Variants in DLG2 observed in about 807,000 individuals in gnomAD.
DLG2 encodes discs large MAGUK scaffold protein 2, also known as disks large homolog 2.
A neutral mutation model predicts 132.5 loss-of-function variants in DLG2; 45 were observed. The ratio of observed to expected loss-of-function variants is 0.34; its 90% confidence interval spans 0.27 to 0.44. The LOEUF (loss-of-function observed/expected upper bound fraction) is 0.44, where lower values mean the gene tolerates loss of function less well. Ranked by LOEUF, DLG2 falls within the 20% of genes least tolerant of loss-of-function variation. The pLI, the probability that DLG2 is intolerant of heterozygous loss-of-function variation, is 1.00. For missense variants in DLG2, 1,045 were observed against 1,196.9 expected, an observed-to-expected ratio of 0.87 and a Z score of 1.87; for synonymous variants, 424 against 419.6, an observed-to-expected ratio of 1.01 and a Z score of -0.13.
intron 4 of DLG2, among the ~76,000 whole-genome samples, chr11:85,270,490 C>A (rs564349621): frequency 6.6e-6 from 1 of 152,236 alleles, no homozygotes; most frequent in Non-Finnish European, 1.5e-5. Context: ...CAGTGGGGTG[C>A]TGCTGAAAAG....
At chr11:85,118,674 C>A (rs2073953489) in intron 5 of DLG2, among the ~76,000 whole-genome samples, 3 of 151,910 alleles carry the variant, frequency 2.0e-5, no homozygotes, top group African/African-American at 4.8e-5. Flanking sequence ...GCATTGTCAG[C>A]TCATTGTATC....
At chr11:84,950,035 T>C (rs1409887410) in intron 6 of DLG2, among the ~76,000 whole-genome samples, 1 of 152,242 alleles carries the variant, frequency 6.6e-6, no homozygotes, top group African/African-American at 2.4e-5. Context: ...CACGTTCTTC[T>C]GCCATGGCTT....
intron 4 of DLG2, among the ~76,000 whole-genome samples, chr11:85,212,427 T>G (rs2082313016): frequency 6.6e-6 from 1 of 152,160 alleles, no homozygotes; most frequent in South Asian, 2.1e-4. Flanking sequence ...GAAATTCTAC[T>G]TGGTCTGAGT....
chr11:84,337,682 G>C (rs188430340), intron 7 of DLG2, among the ~76,000 whole-genome samples: 9 of 152,132 alleles, frequency 5.9e-5, no homozygotes, highest in Admixed American at 5.9e-4. Context: ...CTCTGATAGT[G>C]GTCTTAAACT....
rs1057191289 is a variant in DLG2 at position 84,711,027 on chromosome 11, TATATAG to T, written c.358-176302_358-176297del. Reference sequence around the variant, plus strand: ...ATATATAGATATATATATATATATATATATAGAGCTGAAAAAAGCATTAAAGTAGTT... The same window carrying T: ...ATATATAGATATATATATATATATATAGCTGAAAAAAGCATTAAAGTAGTT... On this transcript the variant is annotated intron_variant, in intron 6 of 27. Transcript: ENST00000376104. 1.4e-3 allele frequency among the ~76,000 whole-genome samples: 150 copies of T among 107,990 alleles called. 3 individuals are homozygous for T. Among genetic ancestry groups the T allele is most frequent in the African/African-American group, 5.0e-3 (130 of 25,766 alleles). 70.8% of individuals were successfully genotyped at this position (107,990 alleles called of 152,430 possible).
intron 11 of DLG2, among the ~76,000 whole-genome samples, chr11:84,001,120 T>A (rs1394452563): frequency 6.6e-6 from 1 of 151,980 alleles, no homozygotes; most frequent in African/African-American, 2.4e-5. Flanking sequence ...GTAAACAGAT[T>A]AAATTCTTTA....
rs144295585 is a variant in DLG2 at position 84,946,048 on chromosome 11, G to A, written c.357+165613C>T. On this transcript the variant is annotated intron_variant, in intron 6 of 27. Coordinates refer to ENST00000376104, the MANE Select transcript of DLG2 (RefSeq NM_001142699.3). ...CTACTTCCAATGTTCACTCAAGGCCGGAGGGCTCTTCGGTCAGCTTGTGGT... is the reference window on the plus strand; with the variant it reads ...CTACTTCCAATGTTCACTCAAGGCCAGAGGGCTCTTCGGTCAGCTTGTGGT... 3.5e-4 allele frequency among the ~76,000 whole-genome samples: 53 copies of A among 152,190 alleles called. No homozygotes were observed. In the East Asian group the frequency reaches 6.0e-3, roughly 17 times the overall value.
At chr11:85,169,350 T>G (rs1340477867) in intron 4 of DLG2, among the ~76,000 whole-genome samples, 1 of 152,152 alleles carries the variant, frequency 6.6e-6, no homozygotes, top group Non-Finnish European at 1.5e-5. Context: ...GCTCCCTCTC[T>G]GAAGGTTCCA....
chr11:83,702,509 G>A (rs1203856333), intron 18 of DLG2, among the ~76,000 whole-genome samples: 2 of 152,186 alleles, frequency 1.3e-5, no homozygotes, highest in African/African-American at 2.4e-5. Flanking sequence ...GGTGAAGTAG[G>A]TGATTTACAT....
Position 85,554,726 on chromosome 11 carries a change from G to A in DLG2, c.40+43931C>T, listed in dbSNP as rs549644007. Among the ~76,000 whole-genome samples the A allele has an allele frequency of 2.7e-5, 4 of 150,238 alleles. No individual in the cohort carries two copies. In the South Asian group the frequency reaches 6.2e-4, roughly 23 times the overall value. On this transcript the variant is annotated intron_variant, in intron 3 of 27. Transcript: ENST00000376104. ...AGACGCAGTTTGCCCTTCTATGATC[G>A]TTTATTGCACCAGAGGTCACAAGAT...
chr11:84,377,669 T>A (rs1039251080), intron 7 of DLG2, among the ~76,000 whole-genome samples: 2 of 152,186 alleles, frequency 1.3e-5, no homozygotes, highest in Non-Finnish European at 2.9e-5. Flanking sequence ...GTACATTACA[T>A]CGTATCTACT....
At chr11:85,261,485 G>C (rs1253572440) in intron 4 of DLG2, among the ~76,000 whole-genome samples, 1 of 151,786 alleles carries the variant, frequency 6.6e-6, no homozygotes, top group East Asian at 1.9e-4. Context: ...TCATAGAATT[G>C]ACCCTACCTA....
At chr11:84,531,262 G>C (rs2099339064) in intron 7 of DLG2, among the ~76,000 whole-genome samples, 2 of 152,108 alleles carry the variant, frequency 1.3e-5, no homozygotes, top group Admixed American at 6.5e-5. Flanking sequence ...CTTACAGGTG[G>C]GACCTAAACA....
intron 4 of DLG2, among the ~76,000 whole-genome samples, chr11:85,220,142 G>A (rs2074537973): frequency 6.6e-6 from 1 of 152,012 alleles, no homozygotes; most frequent in Non-Finnish European, 1.5e-5. Flanking sequence ...GCAGTGGGGG[G>A]AGACAGATAA....
intron 6 of DLG2, among the ~76,000 whole-genome samples, chr11:84,838,680 G>T (rs183216570): frequency 6.6e-6 from 1 of 152,068 alleles, no homozygotes; most frequent in African/African-American, 2.4e-5. Flanking sequence ...AATCAAGGCT[G>T]GTTCAACATA....
chr11:83,700,631 A>G (rs575004390), intron 18 of DLG2, among the ~76,000 whole-genome samples: 35 of 152,350 alleles, frequency 2.3e-4, no homozygotes, highest in Middle Eastern at 3.4e-3. Flanking sequence ...ACAGTTGCCA[A>G]TGAAATGTTA....
chr11:83,730,430 T>C (rs1407116174), intron 18 of DLG2, among the ~76,000 whole-genome samples: 1 of 152,134 alleles, frequency 6.6e-6, no homozygotes, highest in Non-Finnish European at 1.5e-5. Flanking sequence ...CCCCAAAATA[T>C]AAAGAATTAC....
chr11:83,981,518 T>C lies in DLG2; in HGVS notation c.920-876A>G, dbSNP rs184102896. Among the ~76,000 whole-genome samples, 70 of 152,318 alleles carry C rather than the reference T, an allele frequency of 4.6e-4. No individual in the cohort carries two copies. The East Asian group carries it at 0.011, about 25-fold the overall frequency. The stretch of plus-strand genomic sequence containing the variant: ...GTGCAGTGGTATGATTTCAGCTCGC[T>C]GCAACCTCTGCCTCCCGGCTTCAAG... On this transcript the variant is annotated intron_variant, in intron 11 of 27. Coordinates refer to ENST00000376104, the MANE Select transcript of DLG2 (RefSeq NM_001142699.3).
intron 3 of DLG2, among the ~76,000 whole-genome samples, chr11:85,421,377 G>T (rs559435661): frequency 6.6e-6 from 1 of 150,838 alleles, no homozygotes; most frequent in East Asian, 2.0e-4. Context: ...ACAGACCGGA[G>T]CTGTTCCTAT....
Sources: allele counts gnomAD v4.1 joint callset (sites outside exome capture counted in the v4.1 genomes callset), GRCh38; gene constraint gnomAD v4.1.1; transcripts MANE v1.5; gene names NCBI Gene and HGNC (gene_info 2026-07-23, HGNC 2026-07-21).